The following FGF14 variants were observed in gnomAD, a reference collection of about 807,000 sequenced individuals.
FGF14 encodes the protein fibroblast growth factor homologous factor 4.
A neutral mutation model predicts 25.5 loss-of-function variants in FGF14; 5 were observed. That is an observed-to-expected ratio of 0.20 (90% CI 0.10 to 0.41). The LOEUF is 0.41. Ranked by LOEUF, FGF14 falls within the 10% of genes least tolerant of loss-of-function variation. FGF14 has a pLI of 1.00. For synonymous variants in FGF14, 138 were observed against 118.3 expected (o/e 1.17, Z -1.08); for missense variants, 222 against 320.1 (o/e 0.69, Z 2.34).
chr13:101,733,313 T>G (rs2035933690), intron 3 of FGF14, among the ~76,000 whole-genome samples: 1 of 152,012 alleles, frequency 6.6e-6, no homozygotes, highest in Non-Finnish European at 1.5e-5. Flanking sequence ...AAGAGACAAC[T>G]TTTGGCAGTG....
chr13:102,353,538 C>T (rs1425540113), intron 1 of FGF14, among the ~76,000 whole-genome samples: 1 of 152,198 alleles, frequency 6.6e-6, no homozygotes, highest in Non-Finnish European at 1.5e-5. Flanking sequence ...TCCTCAGGTG[C>T]CTCCTGGTAC....
intron 1 of FGF14, among the ~76,000 whole-genome samples, chr13:101,903,238 G>GGTGTGTGTGTGT (rs3065974): frequency 9.0e-4 from 135 of 149,586 alleles, no homozygotes; most frequent in Middle Eastern, 3.4e-3. Context: ...CTCTAATTGT[G>GGTGTGTGTGTGT]GTGTGTGTGT....
At chr13:102,027,206 A>AACAC (rs758193325) in intron 1 of FGF14, among the ~76,000 whole-genome samples, 1 of 151,142 alleles carries the variant, frequency 6.6e-6, no homozygotes, top group Non-Finnish European at 1.5e-5. Flanking sequence ...AATAAAAAGA[A>AACAC]ACACACACAC....
At chr13:101,760,971 AAG>A (rs1455521264) in intron 3 of FGF14, among the ~76,000 whole-genome samples, 2 of 152,176 alleles carry the variant, frequency 1.3e-5, no homozygotes, top group African/African-American at 4.8e-5. Flanking sequence ...ATGAAAAAAA[AAG>A]TATTACTTCA....
intron 1 of FGF14, among the ~76,000 whole-genome samples, chr13:101,924,036 C>A (rs1313731161): frequency 6.6e-6 from 1 of 152,012 alleles, no homozygotes; most frequent in Non-Finnish European, 1.5e-5. Flanking sequence ...ATTGGCAAAT[C>A]TTTTCCTACT....
chr13:101,827,233 C>T (rs1037254332), intron 3 of FGF14, among the ~76,000 whole-genome samples: 1 of 151,912 alleles, frequency 6.6e-6, no homozygotes, highest in Non-Finnish European at 1.5e-5. Context: ...ATAACCTTTA[C>T]ATTTAAAATG....
intron 3 of FGF14, among the ~76,000 whole-genome samples, chr13:101,763,112 T>G (rs2038136004): frequency 6.6e-6 from 1 of 152,178 alleles, no homozygotes; most frequent in Admixed American, 6.5e-5. Context: ...GTAAGCAAAT[T>G]TGGCCTAATG....
intron 1 of FGF14, among the ~76,000 whole-genome samples, chr13:102,030,858 G>C (rs908674332): frequency 3.9e-5 from 6 of 151,990 alleles, no homozygotes; most frequent in African/African-American, 1.4e-4. Flanking sequence ...TGGAAAATAT[G>C]GTGTAAGCGA....
chr13:102,020,664 T>C (rs2040596052), intron 1 of FGF14, among the ~76,000 whole-genome samples: 1 of 152,002 alleles, frequency 6.6e-6, no homozygotes, highest in African/African-American at 2.4e-5. Flanking sequence ...GGATTTTGGG[T>C]AGTGCTAAGA....
chr13:101,914,796 A>G (rs1482876316), intron 1 of FGF14, among the ~76,000 whole-genome samples: 2 of 152,196 alleles, frequency 1.3e-5, no homozygotes, highest in Non-Finnish European at 2.9e-5. Flanking sequence ...ATAGTATGTT[A>G]ATTTACTTTA....
chr13:102,329,524 C>T (rs2056569804), intron 1 of FGF14, among the ~76,000 whole-genome samples: 1 of 152,160 alleles, frequency 6.6e-6, no homozygotes, highest in Non-Finnish European at 1.5e-5. Flanking sequence ...CACTCCCTTC[C>T]CTGTTGGAGT....
intron 3 of FGF14, among the ~76,000 whole-genome samples, chr13:101,847,526 G>T (rs527451031): frequency 2.0e-5 from 3 of 152,066 alleles, no homozygotes; most frequent in Non-Finnish European, 4.4e-5. Context: ...GAACATGATC[G>T]TGTGCATGTT....
chr13:101,832,375 G>C (rs1311285106), intron 3 of FGF14, among the ~76,000 whole-genome samples: 1 of 152,098 alleles, frequency 6.6e-6, no homozygotes, highest in African/African-American at 2.4e-5. Flanking sequence ...TTTAAGCCAT[G>C]AATTTTGTGG....
chr13:101,897,935 C>G (rs2030949987), intron 1 of FGF14, among the ~76,000 whole-genome samples: 1 of 152,012 alleles, frequency 6.6e-6, no homozygotes, highest in East Asian at 1.9e-4. Context: ...TACTCTGTTG[C>G]CCAGGCTGGA....
intron 1 of FGF14, among the ~76,000 whole-genome samples, chr13:102,380,198 T>C (rs1214656905): frequency 6.6e-6 from 1 of 152,044 alleles, no homozygotes. Context: ...TGACATTACA[T>C]GGAATGTCAT....
chr13:101,849,062 G>A (rs1025848430), intron 3 of FGF14, among the ~76,000 whole-genome samples: 1 of 151,804 alleles, frequency 6.6e-6, no homozygotes, highest in African/African-American at 2.4e-5. Context: ...AGTTCTTCCA[G>A]CCTGTATTTT....
chr13:102,161,586 G>GA (rs1566764005), intron 1 of FGF14, among the ~76,000 whole-genome samples: 8 of 2,224 alleles, frequency 3.6e-3, no homozygotes, highest in Non-Finnish European at 4.1e-3. Flanking sequence ...AGAAGAAGAA[G>GA]AAGAAGAAGA....
intron 1 of FGF14, among the ~76,000 whole-genome samples, chr13:102,292,073 G>A (rs577083317): frequency 6.6e-6 from 1 of 151,994 alleles, no homozygotes; most frequent in Non-Finnish European, 1.5e-5. Context: ...AATCCCAAGC[G>A]CTTGCAGAAT....
chr13:102,050,577 C>T (rs1472645028), intron 1 of FGF14, among the ~76,000 whole-genome samples: 1 of 152,134 alleles, frequency 6.6e-6, no homozygotes, highest in Admixed American at 6.5e-5. Flanking sequence ...TCTACAGATT[C>T]CTTAAGACTC....
Sources: allele counts gnomAD v4.1 joint callset (sites outside exome capture counted in the v4.1 genomes callset), GRCh38; gene constraint gnomAD v4.1.1; transcripts MANE v1.5; gene names NCBI Gene and HGNC (gene_info 2026-07-23, HGNC 2026-07-21).